MIS18A: variants seen among roughly 807,000 people sequenced by gnomAD.
MIS18A encodes MIS18 kinetochore protein A.
In MIS18A, 14 loss-of-function variants were observed where a neutral mutation model predicts 25.0. The observed-to-expected ratio is 0.56, with a 90% CI of 0.37 to 0.88. The LOEUF (loss-of-function observed/expected upper bound fraction) is 0.88, where lower values mean the gene tolerates loss of function less well. Ranked by LOEUF, MIS18A falls within the 40% of genes least tolerant of loss-of-function variation. MIS18A has a pLI of 0.00. For synonymous variants in MIS18A, 134 were observed against 118.6 expected (o/e 1.13, Z -0.84); for missense variants, 292 against 290.8 (o/e 1.00, Z -0.03).
the MIS18A span, among the ~76,000 whole-genome samples, chr21:32,158,591 C>T: frequency 6.6e-6 from 1 of 152,100 alleles, no homozygotes; most frequent in Admixed American, 6.5e-5. Context: ...TCTCCTGCCT[C>T]AGCCTCCCGA....
At chr21:32,161,850 T>C in the MIS18A span, among the ~76,000 whole-genome samples, 2 of 151,676 alleles carry the variant, frequency 1.3e-5, no homozygotes, top group African/African-American at 4.8e-5. Flanking sequence ...AGAAAATACA[T>C]TCAGAAAGTT....
chr21:32,198,665 G>A, the MIS18A span, among the ~76,000 whole-genome samples: 1 of 152,248 alleles, frequency 6.6e-6, no homozygotes, highest in Non-Finnish European at 1.5e-5. Flanking sequence ...GGCCCTGGCT[G>A]CTGCCCCAAG....
At chr21:32,254,969 C>T in the MIS18A span, among the ~76,000 whole-genome samples, 2 of 152,136 alleles carry the variant, frequency 1.3e-5, no homozygotes, top group South Asian at 4.1e-4. Flanking sequence ...ATTATGCAGT[C>T]ATTGAAACAA....
At chr21:32,246,263 C>A in the MIS18A span, among the ~76,000 whole-genome samples, 1 of 152,306 alleles carries the variant, frequency 6.6e-6, no homozygotes, top group African/African-American at 2.4e-5. Context: ...CACCACCCCT[C>A]ATTTGCTGGA....
intron 2 of MIS18A, among the ~76,000 whole-genome samples, chr21:32,274,191 TTTC>T (rs2031765141): frequency 1.3e-5 from 2 of 148,976 alleles, no homozygotes; most frequent in African/African-American, 2.5e-5. Context: ...GGTATTTCCT[TTTC>T]TTCTTTTTTT....
chr21:32,181,722 G>C, the MIS18A span, among the ~76,000 whole-genome samples: 3 of 152,130 alleles, frequency 2.0e-5, no homozygotes, highest in South Asian at 6.2e-4. Flanking sequence ...AAGCAAAGAA[G>C]GGACAAAGAA....
chr21:32,273,031 C>T (rs760884656), intron 2 of MIS18A, among the ~76,000 whole-genome samples: 170 of 152,228 alleles, frequency 1.1e-3, no homozygotes, highest in Admixed American at 1.6e-3. Flanking sequence ...TTTTTATGGC[C>T]TGCATGCCGG....
chr21:32,265,966 T>C (rs1464569004), downstream of MIS18A, among the ~76,000 whole-genome samples: 2 of 152,118 alleles, frequency 1.3e-5, no homozygotes, highest in Non-Finnish European at 2.9e-5. Flanking sequence ...GGATTGTAAA[T>C]ACACCAATCA....
chr21:32,269,567 T>A, intron 4 of MIS18A, 140 bp downstream of exon 4: 1 of 567,232 alleles, frequency 1.8e-6, no homozygotes. Context: ...AAATCAACTT[T>A]ACTAACAACT....
chr21:32,243,656 G>T, the MIS18A span, among the ~76,000 whole-genome samples: 2 of 152,088 alleles, frequency 1.3e-5, no homozygotes, highest in Non-Finnish European at 2.9e-5. Flanking sequence ...ACTCACAGGG[G>T]TTTACCCAAG....
the MIS18A span, among the ~76,000 whole-genome samples, chr21:32,222,592 C>G: frequency 6.6e-6 from 1 of 152,310 alleles, no homozygotes; most frequent in East Asian, 1.9e-4. Flanking sequence ...AAAAAACAGT[C>G]TCTCAGACCA....
At chr21:32,165,427 T>C in the MIS18A span, among the ~76,000 whole-genome samples, 1 of 123,898 alleles carries the variant, frequency 8.1e-6, no homozygotes, top group Non-Finnish European at 1.6e-5. Flanking sequence ...CTAAGTAACA[T>C]GATCTAAAAA....
At chr21:32,237,825 A>G in the MIS18A span, among the ~76,000 whole-genome samples, 14 of 152,180 alleles carry the variant, frequency 9.2e-5, no homozygotes, top group African/African-American at 3.4e-4. Flanking sequence ...TCTGACTGTG[A>G]GTAGGGGAGG....
chr21:32,182,959 A>C, the MIS18A span, among the ~76,000 whole-genome samples: 3 of 152,218 alleles, frequency 2.0e-5, no homozygotes, highest in African/African-American at 7.2e-5. Context: ...AAATTTTCTT[A>C]GATTCCCAAA....
chr21:32,267,760 G>A (rs1438590880), downstream of MIS18A, among the ~76,000 whole-genome samples: 1 of 152,204 alleles, frequency 6.6e-6, no homozygotes, highest in Non-Finnish European at 1.5e-5. Context: ...AGACACCTGG[G>A]ACTACATCGA....
chr21:32,255,592 GAATA>G, the MIS18A span, among the ~76,000 whole-genome samples: 4 of 145,476 alleles, frequency 2.7e-5, no homozygotes, highest in Non-Finnish European at 6.1e-5. Flanking sequence ...TCTAGTTAAA[GAATA>G]AATGTGTGCT....
chr21:32,264,763 C>T (rs1601071077), downstream of MIS18A, among the ~76,000 whole-genome samples: 1 of 152,252 alleles, frequency 6.6e-6, no homozygotes, highest in East Asian at 1.9e-4. Flanking sequence ...TGCAACGGGT[C>T]CCTCTCCTGG....
At chr21:32,165,601 G>A in the MIS18A span, among the ~76,000 whole-genome samples, 1 of 146,234 alleles carries the variant, frequency 6.8e-6, no homozygotes, top group African/African-American at 2.6e-5. Context: ...CTAAAAACTG[G>A]TTTAAAAAAA....
chr21:32,250,897 A>C, the MIS18A span, among the ~76,000 whole-genome samples: 1 of 152,210 alleles, frequency 6.6e-6, no homozygotes, highest in East Asian at 1.9e-4. Flanking sequence ...TGTAGTTCCC[A>C]TAATCCCTAC....
Sources: allele counts gnomAD v4.1 joint callset (sites outside exome capture counted in the v4.1 genomes callset), GRCh38; gene constraint gnomAD v4.1.1; transcripts MANE v1.5; gene names NCBI Gene and HGNC (gene_info 2026-07-23, HGNC 2026-07-21).